The following FMN2 variants were observed in gnomAD, a reference collection of about 807,000 sequenced individuals.
FMN2 encodes formin-2.
Under a neutral mutation model 142.3 loss-of-function variants are expected in FMN2, and 51 were observed. The ratio of observed to expected loss-of-function variants is 0.36; its 90% confidence interval spans 0.29 to 0.45. FMN2 has a LOEUF of 0.45. Among genes scored for constraint, FMN2 ranks in the 20% least tolerant of loss-of-function variants. The pLI is 1.00. For missense variants in FMN2, 1,936 were observed against 2,122.8 expected, an observed-to-expected ratio of 0.91 and a Z score of 1.73; for synonymous variants, 882 against 869.8, an observed-to-expected ratio of 1.01 and a Z score of -0.25.
chr1:240,255,049 C>A (rs549825161), intron 6 of FMN2, among the ~76,000 whole-genome samples: 2 of 152,152 alleles, frequency 1.3e-5, no homozygotes, highest in Non-Finnish European at 2.9e-5. Flanking sequence ...CCCATGGCTA[C>A]GATTGCAGGA....
intron 16 of FMN2, among the ~76,000 whole-genome samples, chr1:240,443,949 G>A (rs1474904792): frequency 2.0e-5 from 3 of 152,220 alleles, no homozygotes; most frequent in Admixed American, 6.5e-5. Context: ...AGGCTCTGTG[G>A]AGCTAGGATA....
At chr1:240,160,853 GATAA>G (rs1664247586) in intron 2 of FMN2, among the ~76,000 whole-genome samples, 1 of 151,924 alleles carries the variant, frequency 6.6e-6, no homozygotes, top group African/African-American at 2.4e-5. Context: ...TACATTTACA[GATAA>G]ATAATTAGAA....
In FMN2 at chr1:240,474,303, T is replaced by C; in HGVS notation, c.*149T>C. The C allele has an allele frequency of 1.5e-6, 1 of 680,900 alleles. No individual in the cohort carries two copies. The highest frequency in any genetic ancestry group is 2.3e-6 in the Non-Finnish European group (1 of 430,342). The allele number at this position is 680,900 out of a possible 1,614,324, so 42.2% of individuals were successfully genotyped here. A position where few individuals can be genotyped will look rare whatever the true frequency, so the allele number is the denominator to read the frequency against. On this transcript the variant is annotated 3_prime_UTR_variant, in exon 18 of 18. Transcript: ENST00000319653. ...TTTTGTTTTCTAGACAGTTCACTAA[T>C]TGTTGAATTTTACTGTATATTCATA... is the stretch of plus-strand genomic sequence containing the variant.
At chr1:240,185,004 T>TCCCCTTCTCTTTCTCCCTCCTATACCTG (rs1558344974) in intron 3 of FMN2, among the ~76,000 whole-genome samples, 3 of 99,562 alleles carry the variant, frequency 3.0e-5, no homozygotes, top group African/African-American at 1.1e-4. Flanking sequence ...TCCTATACCT[T>TCCCCTTCTCTTTCTCCCTCCTATACCTG]CCCCTTCTCT....
chr1:240,422,839 G>A (rs1324297054), intron 15 of FMN2, among the ~76,000 whole-genome samples: 1 of 152,196 alleles, frequency 6.6e-6, no homozygotes, highest in East Asian at 1.9e-4. Context: ...TTTGGGATCA[G>A]CATGGGTCTC....
At chr1:240,136,246 T>C (rs1662934524) in intron 2 of FMN2, among the ~76,000 whole-genome samples, 1 of 152,158 alleles carries the variant, frequency 6.6e-6, no homozygotes, top group African/African-American at 2.4e-5. Context: ...ACGGGTGATG[T>C]TTTTCCCCCG....
At chr1:240,203,506 C>T (rs1345531091) in intron 4 of FMN2, among the ~76,000 whole-genome samples, 1 of 152,180 alleles carries the variant, frequency 6.6e-6, no homozygotes, top group African/African-American at 2.4e-5. Flanking sequence ...ATGTCCTTTG[C>T]AGCGACATGG....
At chr1:240,204,929 A>G (rs959318098) in intron 4 of FMN2, among the ~76,000 whole-genome samples, 4 of 152,218 alleles carry the variant, frequency 2.6e-5, no homozygotes, top group African/African-American at 9.6e-5. Context: ...GATTTAATAA[A>G]GAAGATGTTT....
chr1:240,414,966 A>T (rs958830303), intron 15 of FMN2, among the ~76,000 whole-genome samples: 2 of 152,218 alleles, frequency 1.3e-5, no homozygotes, highest in African/African-American at 4.8e-5. Flanking sequence ...TGCATTTGAG[A>T]ATAAATGTCT....
chr1:240,436,690 A>AAAC (rs56058196), intron 15 of FMN2, among the ~76,000 whole-genome samples: 28 of 150,180 alleles, frequency 1.9e-4, no homozygotes, highest in South Asian at 6.3e-4. Flanking sequence ...AAAAAAAAAA[A>AAAC]CTCAATATTT....
chr1:240,151,631 A>G (rs928035293), intron 2 of FMN2, among the ~76,000 whole-genome samples: 1 of 152,074 alleles, frequency 6.6e-6, no homozygotes. Context: ...AATCTTTATG[A>G]TAGGCATTTA....
At chr1:240,230,231 G>A (rs1012762484) in intron 6 of FMN2, among the ~76,000 whole-genome samples, 5 of 129,820 alleles carry the variant, frequency 3.9e-5, no homozygotes, top group Admixed American at 3.7e-4. Context: ...AGAGGCTGAG[G>A]CAGGAGGATC....
intron 7 of FMN2, among the ~76,000 whole-genome samples, chr1:240,267,632 TAAA>T (rs60539167): frequency 7.1e-6 from 1 of 140,562 alleles, no homozygotes; most frequent in Non-Finnish European, 1.6e-5. Context: ...CCCCTGAACT[TAAA>T]AAAAAAAAAA....
At chr1:240,327,884 T>C (rs7413977) in intron 8 of FMN2, among the ~76,000 whole-genome samples, 45,144 of 151,670 alleles carry the variant, frequency 0.3, 6,798 homozygotes, top group South Asian at 0.34. Flanking sequence ...CAGTGGCTCA[T>C]GCCTGTAATC....
At chr1:240,361,625 T>G (rs1258469264) in intron 14 of FMN2, among the ~76,000 whole-genome samples, 1 of 152,160 alleles carries the variant, frequency 6.6e-6, no homozygotes, top group African/African-American at 2.4e-5. Context: ...GGGGTACTAA[T>G]CACTGAGATA....
At chr1:240,266,446 C>T (rs1668806972) in intron 7 of FMN2, among the ~76,000 whole-genome samples, 1 of 151,670 alleles carries the variant, frequency 6.6e-6, no homozygotes, top group Admixed American at 6.6e-5. Flanking sequence ...TATTCTTTTC[C>T]ATAGGTCTTT....
At chr1:240,231,866 C>T (rs945636843) in intron 6 of FMN2, among the ~76,000 whole-genome samples, 1 of 152,258 alleles carries the variant, frequency 6.6e-6, no homozygotes, top group African/African-American at 2.4e-5. Flanking sequence ...CTGAGTTTAT[C>T]CCTTTTAAAA....
chr1:240,136,332 T>C (rs1415004119), intron 2 of FMN2, among the ~76,000 whole-genome samples: 1 of 152,188 alleles, frequency 6.6e-6, no homozygotes, highest in Non-Finnish European at 1.5e-5. Flanking sequence ...TGAAGTTTTC[T>C]GAGCTCAGAG....
intron 6 of FMN2, among the ~76,000 whole-genome samples, chr1:240,228,592 A>G (rs150726662): frequency 5.4e-4 from 82 of 152,206 alleles, no homozygotes; most frequent in African/African-American, 1.9e-3. Flanking sequence ...GTGGAAATGA[A>G]AAAAGGTGCA....
Sources: allele counts gnomAD v4.1 joint callset (sites outside exome capture counted in the v4.1 genomes callset), GRCh38; gene constraint gnomAD v4.1.1; transcripts MANE v1.5; gene names NCBI Gene and HGNC (gene_info 2026-07-23, HGNC 2026-07-21).